Variants in CRACR2A observed in about 807,000 individuals in gnomAD.
CRACR2A encodes the protein calcium release activated channel regulator 2A.
In CRACR2A, 79 loss-of-function variants were observed where a neutral mutation model predicts 90.5. That is an observed-to-expected ratio of 0.87 (90% CI 0.73 to 1.05). CRACR2A has a LOEUF of 1.05. Among genes scored for constraint, CRACR2A ranks in the 50% least tolerant of loss-of-function variants. The pLI is 0.00. For synonymous variants in CRACR2A, 338 were observed against 356.7 expected (o/e 0.95, Z 0.59); for missense variants, 823 against 897.2 (o/e 0.92, Z 1.06).
intron 13 of CRACR2A, among the ~76,000 whole-genome samples, 198 bp from the exon 14 acceptor site, chr12:3,638,652 G>A (rs1944503677): frequency 6.6e-6 from 1 of 152,210 alleles, no homozygotes; most frequent in South Asian, 2.1e-4. Context: ...AGTGCCTGCT[G>A]CCACTGCTGT....
chr12:3,640,013 G>GT (rs1182580211), intron 13 of CRACR2A, among the ~76,000 whole-genome samples: 2 of 152,196 alleles, frequency 1.3e-5, no homozygotes, highest in Non-Finnish European at 2.9e-5. Context: ...CACAGAGCAT[G>GT]TTTTTTCAAA....
chr12:3,687,187 CTT>C (rs79317818), intron 4 of CRACR2A, among the ~76,000 whole-genome samples: 50 of 137,474 alleles, frequency 3.6e-4, no homozygotes, highest in African/African-American at 6.1e-4. Flanking sequence ...ATCCCATTTT[CTT>C]TTTTTTTTTT....
In CRACR2A at chr12:3,648,442, G is replaced by A. The variant is rs745965433; in HGVS notation, c.1118+100C>T. On this transcript the variant is annotated intron_variant, in intron 11 of 19. Transcript: ENST00000440314. Reference sequence around the variant, plus strand: ...TTGAGGGCACTCTCTCAGCAGGCACGTTTTTCCAGCACGTAGGCAAGGATG... The same window carrying A: ...TTGAGGGCACTCTCTCAGCAGGCACATTTTTCCAGCACGTAGGCAAGGATG... The A allele has an allele frequency of 1.8e-5, 29 of 1,600,546 alleles. No homozygotes were observed. In the East Asian group the frequency reaches 4.0e-4, roughly 22 times the overall value.
At chr12:3,680,180 T>G in intron 5 of CRACR2A, 58 bp downstream of exon 5, 2 of 1,421,086 alleles carry the variant, frequency 1.4e-6, no homozygotes, top group Non-Finnish European at 9.9e-7. Flanking sequence ...GGAATGCACC[T>G]TATACAGTGT....
chr12:3,716,649 G>A (rs1946087771), intron 2 of CRACR2A, among the ~76,000 whole-genome samples: 1 of 152,164 alleles, frequency 6.6e-6, no homozygotes, highest in Non-Finnish European at 1.5e-5. Flanking sequence ...TTCTTAAAAT[G>A]AGCTGTCCAT....
At chr12:3,665,490 T>C (rs1258932920) in intron 7 of CRACR2A, among the ~76,000 whole-genome samples, 5 of 152,264 alleles carry the variant, frequency 3.3e-5, no homozygotes, top group Non-Finnish European at 7.3e-5. Flanking sequence ...CTACTTCAGA[T>C]AGAAGTTGTG....
chr12:3,741,712 C>T (rs1410379674), intron 1 of CRACR2A, among the ~76,000 whole-genome samples: 1 of 152,166 alleles, frequency 6.6e-6, no homozygotes, highest in Non-Finnish European at 1.5e-5. Context: ...CCTGTCTGCC[C>T]GCTTCCAGCT....
rs1387445158 is a variant in CRACR2A, at chr12:3,734,919, G to A, written c.-386-1709C>T. ...GGGTACAAAATTGCAGTTACAATGT[G>A]GATAAGCGGGTAAGTTCTAGAGATC... On this transcript the variant is annotated intron_variant, in intron 1 of 19. Transcript: ENST00000440314. Among the ~76,000 whole-genome samples the A allele has an allele frequency of 2.0e-5, 3 of 152,088 alleles. No individual in the cohort carries two copies. The East Asian group carries it at 5.8e-4, about 29-fold the overall frequency.
rs1946155286 is a variant in CRACR2A at position 3,720,565 on chromosome 12, C to T, written c.-117-7248G>A. Among the ~76,000 whole-genome samples the T allele has an allele frequency of 2.0e-5, 3 of 152,318 alleles. No homozygotes were observed. The South Asian group carries it at 6.2e-4, about 32-fold the overall frequency. On this transcript the variant is annotated intron_variant, in intron 2 of 19. Coordinates refer to ENST00000440314, the MANE Select transcript of CRACR2A (RefSeq NM_001144958.2). The stretch of plus-strand genomic sequence containing the variant: ...TCTCGACGGGATCCTGATGCTCTAA[C>T]GTTTTCTACTGTGTTAATCCCTCAC...
chr12:3,713,524 T>C (rs1159196442), intron 2 of CRACR2A, among the ~76,000 whole-genome samples: 1 of 152,192 alleles, frequency 6.6e-6, no homozygotes, highest in Non-Finnish European at 1.5e-5. Flanking sequence ...ATAAGTCTGC[T>C]TAGTGACCCT....
intron 6 of CRACR2A, 92 bp downstream of exon 6, chr12:3,678,823 C>T (rs1302546755): frequency 1.4e-6 from 2 of 1,411,538 alleles, no homozygotes; most frequent in South Asian, 1.4e-5. Context: ...GGACCAGCAC[C>T]ACATGGTTAA....
In CRACR2A at chr12:3,669,149, C is replaced by A. The variant is rs758678908; in HGVS notation, c.671+4297G>T. ...TGCCTAATTTATCCTTGCCCCCATA[C>A]ATTACAAATACAGACGTTAAGCCCC... On this transcript the variant is annotated intron_variant, in intron 7 of 19. Transcript: ENST00000440314. 2.6e-5 allele frequency among the ~76,000 whole-genome samples: 4 copies of A among 152,316 alleles called. No homozygotes were observed. In the East Asian group the frequency reaches 5.8e-4, roughly 22 times the overall value.
chr12:3,678,639 G>T (rs1464041733), intron 6 of CRACR2A, among the ~76,000 whole-genome samples: 1 of 152,082 alleles, frequency 6.6e-6, no homozygotes, highest in African/African-American at 2.4e-5. Context: ...ATAATGCATG[G>T]CCAGGAGTGA....
At chr12:3,655,863 C>T (rs1219613320) in intron 9 of CRACR2A, among the ~76,000 whole-genome samples, 1 of 152,216 alleles carries the variant, frequency 6.6e-6, no homozygotes, top group African/African-American at 2.4e-5. Context: ...AAGAGACAGG[C>T]TGACCTTGGA....
chr12:3,617,880 C>T (rs1291007056), intron 18 of CRACR2A, among the ~76,000 whole-genome samples: 3 of 152,164 alleles, frequency 2.0e-5, no homozygotes, highest in African/African-American at 4.8e-5. Flanking sequence ...GTGCAGCTTT[C>T]CCCATCTACA....
At chr12:3,666,364 T>G (rs868628192) in intron 7 of CRACR2A, among the ~76,000 whole-genome samples, 1 of 149,498 alleles carries the variant, frequency 6.7e-6, no homozygotes, top group Non-Finnish European at 1.5e-5. Context: ...TGCGTGCGTG[T>G]GCGCGTGCGC....
chr12:3,662,662 GAAGAAGA>G (rs1945058981), intron 7 of CRACR2A, among the ~76,000 whole-genome samples: 1 of 152,214 alleles, frequency 6.6e-6, no homozygotes, highest in African/African-American at 2.4e-5. Context: ...TTGGGAAGAT[GAAGAAGA>G]AATAACTCAG....
intron 4 of CRACR2A, among the ~76,000 whole-genome samples, chr12:3,696,424 A>T (rs1387681136): frequency 2.0e-5 from 3 of 152,220 alleles, no homozygotes; most frequent in Non-Finnish European, 2.9e-5. Flanking sequence ...GACAGCAGGA[A>T]CGACTTTGTT....
intron 17 of CRACR2A, among the ~76,000 whole-genome samples, chr12:3,624,302 C>T (rs947368785): frequency 6.6e-6 from 1 of 152,144 alleles, no homozygotes; most frequent in Non-Finnish European, 1.5e-5. Context: ...CTCCACCCTC[C>T]CTTCTCCAGG....
Sources: allele counts gnomAD v4.1 joint callset (sites outside exome capture counted in the v4.1 genomes callset), GRCh38; gene constraint gnomAD v4.1.1; transcripts MANE v1.5; gene names NCBI Gene and HGNC (gene_info 2026-07-23, HGNC 2026-07-21).